The following PTPRO variants were observed in gnomAD, a reference collection of about 807,000 sequenced individuals.
PTPRO encodes protein tyrosine phosphatase receptor type O.
A neutral mutation model predicts 145.2 loss-of-function variants in PTPRO; 62 were observed. That is an observed-to-expected ratio of 0.43 (90% CI 0.35 to 0.53). PTPRO has a LOEUF of 0.53. PTPRO is among the 20% of genes least tolerant of loss of function. The probability of loss-of-function intolerance (pLI) is 0.01; values close to 1 mark genes in which losing one functional copy is unlikely to be tolerated. For synonymous variants in PTPRO, 565 were observed against 514.7 expected (o/e 1.10, Z -1.32); for missense variants, 1,345 against 1,482.7 (o/e 0.91, Z 1.53).
rs138621917 is a variant in PTPRO, at chr12:15,498,504, G to A, written c.509-938G>A. ...ACCCAGGAGGCAGAGGTTGCAGTGA[G>A]CCTAAATCACATGACTGCACTCCAG... On this transcript the variant is annotated intron_variant, in intron 3 of 26. Transcript: ENST00000281171. Among the ~76,000 whole-genome samples the A allele has an allele frequency of 8.0e-3, 1,214 of 152,270 alleles. 14 individuals are homozygous for A. The highest frequency in any genetic ancestry group is 0.028 in the African/African-American group (1,167 of 41,546).
rs115292632 is a variant in PTPRO, at chr12:15,511,929, A to G, written c.1464+3162A>G. Among the ~76,000 whole-genome samples, 969 of 152,264 alleles carry G rather than the reference A, an allele frequency of 6.4e-3. 13 individuals are homozygous for G. Among genetic ancestry groups the G allele is most frequent in the African/African-American group, 0.022 (919 of 41,560 alleles). On this transcript the variant is annotated intron_variant, in intron 7 of 26. Coordinates refer to ENST00000281171, the MANE Select transcript of PTPRO (RefSeq NM_030667.3). The stretch of plus-strand genomic sequence containing the variant: ...TTGAATAGTTAGAATCAACTCATAA[A>G]ATATTATCAAAAGAAAGGAACCTTA...
chr12:15,383,117 T>C (rs555399954), intron 1 of PTPRO, among the ~76,000 whole-genome samples: 2 of 152,316 alleles, frequency 1.3e-5, no homozygotes, highest in East Asian at 3.9e-4. Flanking sequence ...CCCCTTTCCT[T>C]GTCCACTCCA....
intron 1 of PTPRO, among the ~76,000 whole-genome samples, chr12:15,415,603 T>G (rs369269342): frequency 6.6e-6 from 1 of 151,626 alleles, no homozygotes; most frequent in East Asian, 1.9e-4. Context: ...GCCAGGATGG[T>G]CTCGATCTCC....
Position 15,356,712 on chromosome 12 carries a change from A to G in PTPRO, c.75+33911A>G, listed in dbSNP as rs572801054. On this transcript the variant is annotated intron_variant, in intron 1 of 26. Coordinates refer to ENST00000281171, the MANE Select transcript of PTPRO (RefSeq NM_030667.3). ...CTGAGCAGAGAACTTAACCTTTCTG[A>G]AAATCAGTTCATTTCTTTATATGGA... Among the ~76,000 whole-genome samples, 5 of 152,320 alleles carry G rather than the reference A, an allele frequency of 3.3e-5. No homozygotes were observed. In the South Asian group the frequency reaches 1.0e-3, roughly 32 times the overall value.
At chr12:15,541,678 C>A (rs1943182625) in intron 12 of PTPRO, among the ~76,000 whole-genome samples, 1 of 152,158 alleles carries the variant, frequency 6.6e-6, no homozygotes. Flanking sequence ...TAGATTAGAG[C>A]ACGTGCTAAC....
At chr12:15,332,905 T>C (rs1269473052) in intron 1 of PTPRO, among the ~76,000 whole-genome samples, 2 of 152,208 alleles carry the variant, frequency 1.3e-5, no homozygotes, top group Non-Finnish European at 2.9e-5. Flanking sequence ...GAATAACTGC[T>C]TTGCCAACAG....
chr12:15,468,172 T>A (rs545931180), intron 1 of PTPRO, among the ~76,000 whole-genome samples: 1 of 152,322 alleles, frequency 6.6e-6, no homozygotes, highest in South Asian at 2.1e-4. Flanking sequence ...CCATCAGTAT[T>A]TCCTTCTATC....
chr12:15,566,744 C>T (rs148311066), intron 18 of PTPRO, among the ~76,000 whole-genome samples: 6 of 152,212 alleles, frequency 3.9e-5, no homozygotes, highest in African/African-American at 1.4e-4. Context: ...TGGTCTCGAA[C>T]TCCTGACCTC....
At chr12:15,376,621 A>G (rs1244352473) in intron 1 of PTPRO, among the ~76,000 whole-genome samples, 1 of 152,188 alleles carries the variant, frequency 6.6e-6, no homozygotes, top group Non-Finnish European at 1.5e-5. Flanking sequence ...TTTGTTTCTC[A>G]CAGTTCTGGA....
chr12:15,519,597 T>C (rs112308315), intron 9 of PTPRO, among the ~76,000 whole-genome samples: 110 of 152,338 alleles, frequency 7.2e-4, no homozygotes, highest in African/African-American at 2.6e-3. Context: ...CCTTTGGCAT[T>C]CCATAGTTAG....
chr12:15,333,653 G>T lies in PTPRO; in HGVS notation c.75+10852G>T, dbSNP rs553039427. On this transcript the variant is annotated intron_variant, in intron 1 of 26. Coordinates refer to ENST00000281171, the MANE Select transcript of PTPRO (RefSeq NM_030667.3). ...CTAGGAGGGAGGGTCTATCAGGCAG[G>T]CGCCACTGAGTCGGGCTGGGGAGGC... Among the ~76,000 whole-genome samples, 40 of 152,324 alleles carry T rather than the reference G, an allele frequency of 2.6e-4. 1 individual carries two copies. In the South Asian group the frequency reaches 8.1e-3, roughly 31 times the overall value.
intron 1 of PTPRO, among the ~76,000 whole-genome samples, chr12:15,329,271 C>T (rs1866539902): frequency 6.6e-6 from 1 of 152,190 alleles, no homozygotes; most frequent in Non-Finnish European, 1.5e-5. Context: ...GTGATTCTCT[C>T]TTGGTTCCAC....
rs11056514 is a variant in PTPRO, at chr12:15,474,259, G to A, written c.76-9715G>A. ...TCTGACTAGAACATATCTCTGACCC[G>A]TTTTTGTCCTTGCCCCGCAGCCCAG... On this transcript the variant is annotated intron_variant, in intron 1 of 26. Coordinates refer to ENST00000281171, the MANE Select transcript of PTPRO (RefSeq NM_030667.3). Among the ~76,000 whole-genome samples the A allele has an allele frequency of 5.9e-3, 894 of 152,248 alleles. 56 individuals carry two copies. In the East Asian group the frequency reaches 0.14, roughly 23 times the overall value.
intron 1 of PTPRO, among the ~76,000 whole-genome samples, chr12:15,402,289 G>C (rs1243573219): frequency 6.6e-6 from 1 of 152,080 alleles, no homozygotes; most frequent in Non-Finnish European, 1.5e-5. Context: ...TGGGGAGGTT[G>C]AGGCAGGAGA....
In PTPRO at chr12:15,515,635, A is replaced by G. The variant is rs774900992; in HGVS notation, c.1585+17A>G. On this transcript the variant is annotated intron_variant, in intron 8 of 26. Coordinates refer to ENST00000281171, the MANE Select transcript of PTPRO (RefSeq NM_030667.3). ...TTGCTATTGGTAAGTTGCTAGCCAC[A>G]AGAAGAATGACTGACCTATATATTA... 6.2e-7 allele frequency: 1 copy of G among 1,613,980 alleles called. No homozygotes were observed. Among genetic ancestry groups the G allele is most frequent in the Non-Finnish European group, 8.5e-7 (1 of 1,179,898 alleles).
chr12:15,338,907 A>G (rs986617797), intron 1 of PTPRO, among the ~76,000 whole-genome samples: 4 of 152,150 alleles, frequency 2.6e-5, no homozygotes, highest in Non-Finnish European at 5.9e-5. Context: ...ACATGTAAGG[A>G]AGGCACTGTG....
intron 12 of PTPRO, among the ~76,000 whole-genome samples, chr12:15,526,552 T>C (rs1477011359): frequency 6.6e-6 from 1 of 152,188 alleles, no homozygotes; most frequent in Non-Finnish European, 1.5e-5. Flanking sequence ...GATTATCTAA[T>C]GCAGTGTTCA....
chr12:15,550,270 G>A (rs1259863377), intron 14 of PTPRO, among the ~76,000 whole-genome samples: 11 of 152,128 alleles, frequency 7.2e-5, no homozygotes, highest in East Asian at 1.9e-4. Context: ...TGAGAAAATC[G>A]TAAGGAAGAG....
At chr12:15,557,753 A>C (rs1322692610) in intron 16 of PTPRO, among the ~76,000 whole-genome samples, 2 of 152,058 alleles carry the variant, frequency 1.3e-5, no homozygotes, top group Admixed American at 1.3e-4. Context: ...ACAATACTAA[A>C]CAAGGGACTG....
Sources: allele counts gnomAD v4.1 joint callset (sites outside exome capture counted in the v4.1 genomes callset), GRCh38; gene constraint gnomAD v4.1.1; transcripts MANE v1.5; gene names NCBI Gene and HGNC (gene_info 2026-07-23, HGNC 2026-07-21).